Variants in TANC2 observed in about 807,000 individuals in gnomAD.
TANC2 encodes protein TANC2.
TANC2 carries 26 observed loss-of-function variants against 210.5 expected under a neutral mutation model. The ratio of observed to expected loss-of-function variants is 0.12; its 90% CI spans 0.09 to 0.17. The LOEUF is 0.17. TANC2 is among the 10% of genes least tolerant of loss of function. The pLI is 1.00. For synonymous variants in TANC2, 931 were observed against 967.1 expected (o/e 0.96, Z 0.69); for missense variants, 2,129 against 2,608.9 (o/e 0.82, Z 4.01).
chr17:63,323,487 G>A (rs1351236729), intron 11 of TANC2, among the ~76,000 whole-genome samples: 1 of 152,098 alleles, frequency 6.6e-6, no homozygotes, highest in Non-Finnish European at 1.5e-5. Context: ...AGAGGGACAG[G>A]GAGATCTCAT....
intron 5 of TANC2, among the ~76,000 whole-genome samples, chr17:63,177,133 C>T (rs1257609659): frequency 6.6e-6 from 1 of 151,418 alleles, no homozygotes; most frequent in Non-Finnish European, 1.5e-5. Context: ...GGCATGGTGG[C>T]ACACACCTGT....
At chr17:63,335,608 T>C (rs1489615194) in intron 11 of TANC2, among the ~76,000 whole-genome samples, 1 of 145,282 alleles carries the variant, frequency 6.9e-6, no homozygotes, top group Non-Finnish European at 1.6e-5. Context: ...GCGAGACTCT[T>C]TCTCAAAAAA....
chr17:63,373,723 G>C (rs189399565), intron 14 of TANC2, among the ~76,000 whole-genome samples: 1 of 152,184 alleles, frequency 6.6e-6, no homozygotes, highest in East Asian at 1.9e-4. Flanking sequence ...ACTCAGGCCT[G>C]TAATCCCAAC....
At chr17:63,262,590 A>T (rs1598731653) in intron 8 of TANC2, among the ~76,000 whole-genome samples, 1 of 150,594 alleles carries the variant, frequency 6.6e-6, no homozygotes, top group East Asian at 1.9e-4. Flanking sequence ...GGATGTCCTA[A>T]GTCTTCATTC....
intron 14 of TANC2, among the ~76,000 whole-genome samples, chr17:63,364,463 T>C (rs924140982): frequency 1.3e-5 from 2 of 152,206 alleles, no homozygotes; most frequent in Non-Finnish European, 2.9e-5. Flanking sequence ...TAAAAACTTA[T>C]GAGAGATTTC....
rs1280444505 is a variant in TANC2, at chr17:63,267,755, C to T, written c.1041C>T (p.Ser347=). 2 of 1,612,500 alleles carry T rather than the reference C, an allele frequency of 1.2e-6. No homozygotes were observed. Among genetic ancestry groups the T allele is most frequent in the East Asian group, 2.2e-5 (1 of 44,844 alleles). ...ACTTTTCTTTCTTGTCAGCCACCAGCTCTGCCCACTTGGAAGACCTTGCTT... is the reference window on the plus strand; with the variant it reads ...ACTTTTCTTTCTTGTCAGCCACCAGTTCTGCCCACTTGGAAGACCTTGCTT... The change falls in exon 9 of 28, where the codon AGC becomes AGT. Residue 347 remains serine, a synonymous_variant. Transcript: ENST00000689528.
intron 11 of TANC2, among the ~76,000 whole-genome samples, chr17:63,325,199 C>T (rs969587222): frequency 4.6e-5 from 7 of 152,110 alleles, no homozygotes; most frequent in Non-Finnish European, 8.8e-5. Flanking sequence ...AGAAACGTCT[C>T]CAGAAATTGC....
chr17:63,405,342 TA>T, intron 20 of TANC2, 87 bp downstream of exon 20: 1 of 1,405,916 alleles, frequency 7.1e-7, no homozygotes, highest in East Asian at 2.5e-5. Context: ...TGATCACAAG[TA>T]AAGTTTGGGT....
intron 2 of TANC2, among the ~76,000 whole-genome samples, chr17:63,033,640 C>T (rs1460389279): frequency 6.6e-6 from 1 of 152,064 alleles, no homozygotes; most frequent in Non-Finnish European, 1.5e-5. Context: ...CATTCAAGGA[C>T]AACACCATGT....
chr17:63,121,472 A>G (rs1001818035), intron 4 of TANC2, among the ~76,000 whole-genome samples: 7 of 151,832 alleles, frequency 4.6e-5, no homozygotes, highest in Non-Finnish European at 8.8e-5. Flanking sequence ...TGATTTTTGG[A>G]CTTTTCTTTG....
chr17:63,191,285 C>CT (rs1206439336), intron 5 of TANC2, among the ~76,000 whole-genome samples: 1 of 149,650 alleles, frequency 6.7e-6, no homozygotes, highest in Non-Finnish European at 1.5e-5. Flanking sequence ...TTTGAATACA[C>CT]TATTATGTTG....
intron 1 of TANC2, chr17:63,004,858 G>T: frequency 3.1e-6 from 1 of 323,392 alleles, no homozygotes; most frequent in Non-Finnish European, 6.0e-6. Flanking sequence ...TGGTTTTAGA[G>T]GAGCAGGTTT....
At chr17:63,209,221 G>A (rs2041812127) in intron 7 of TANC2, among the ~76,000 whole-genome samples, 2 of 151,586 alleles carry the variant, frequency 1.3e-5, no homozygotes, top group South Asian at 2.1e-4. Flanking sequence ...ACATATTGCC[G>A]AGGCTGGTCT....
intron 8 of TANC2, among the ~76,000 whole-genome samples, chr17:63,248,402 G>C (rs2042972461): frequency 6.6e-6 from 1 of 152,092 alleles, no homozygotes. Flanking sequence ...ATGAATGCCA[G>C]TAATAAAAAG....
At chr17:63,370,107 G>A (rs139034873) in intron 14 of TANC2, among the ~76,000 whole-genome samples, 1 of 151,810 alleles carries the variant, frequency 6.6e-6, no homozygotes, top group African/African-American at 2.4e-5. Context: ...AATTTATGAG[G>A]ATATTATGTT....
At chr17:63,186,350 C>CTT (rs11314991) in intron 5 of TANC2, among the ~76,000 whole-genome samples, 145 of 114,324 alleles carry the variant, frequency 1.3e-3, no homozygotes, top group Non-Finnish European at 1.8e-3. Flanking sequence ...CTCTCTCTCT[C>CTT]TTTTTTTTTT....
intron 1 of TANC2, among the ~76,000 whole-genome samples, chr17:62,989,170 C>A (rs2032727302): frequency 2.0e-5 from 3 of 152,142 alleles, no homozygotes; most frequent in Admixed American, 1.3e-4. Context: ...TTCTTTTAGG[C>A]AGAACTGCTT....
At chr17:63,297,358 G>C (rs1485061293) in intron 9 of TANC2, among the ~76,000 whole-genome samples, 1 of 152,108 alleles carries the variant, frequency 6.6e-6, no homozygotes, top group Non-Finnish European at 1.5e-5. Context: ...TACTGGCATA[G>C]GAATACACAT....
At chr17:63,006,112 G>A (rs1187532964) in intron 1 of TANC2, among the ~76,000 whole-genome samples, 3 of 151,858 alleles carry the variant, frequency 2.0e-5, no homozygotes, top group Non-Finnish European at 4.4e-5. Flanking sequence ...TTAAATTAAG[G>A]ATCTGAAATG....
Sources: gnomAD v4.1 joint callset for allele counts (sites outside exome capture counted in the v4.1 genomes callset) on GRCh38, gnomAD v4.1.1 for gene constraint, MANE v1.5 for transcripts, NCBI Gene and HGNC (gene_info 2026-07-23, HGNC 2026-07-21) for gene names.